The following SAMD5 variants were observed in gnomAD, a reference collection of about 807,000 sequenced individuals.
The protein encoded by SAMD5 is sterile alpha motif domain containing 5, also known as sterile alpha motif domain-containing protein 5.
In SAMD5, 13 loss-of-function variants were observed where a neutral mutation model predicts 11.3. That is an observed-to-expected ratio of 1.15 (90% CI 0.75 to 1.83). The LOEUF (loss-of-function observed/expected upper bound fraction) is 1.83, where lower values mean the gene tolerates loss of function less well. Ranked by LOEUF, SAMD5 falls within the 40% of genes most tolerant of loss-of-function variation. SAMD5 has a pLI of 0.00. For synonymous variants in SAMD5, 129 were observed against 111.3 expected (o/e 1.16, Z -1.00); for missense variants, 255 against 239.1 (o/e 1.07, Z -0.44).
the SAMD5 span, among the ~76,000 whole-genome samples, chr6:147,954,153 A>T: frequency 1.3e-5 from 2 of 152,210 alleles, no homozygotes; most frequent in African/African-American, 4.8e-5. Context: ...TTTTCACTGA[A>T]GTATTTTTAT....
chr6:147,942,410 C>A, the SAMD5 span, among the ~76,000 whole-genome samples: 1 of 152,236 alleles, frequency 6.6e-6, no homozygotes, highest in Admixed American at 6.5e-5. Flanking sequence ...AAGATGTGAT[C>A]AAATGTCCTA....
intron 1 of SAMD5, among the ~76,000 whole-genome samples, chr6:147,563,312 A>G (rs987922439): frequency 2.0e-5 from 3 of 152,230 alleles, no homozygotes; most frequent in African/African-American, 7.2e-5. Context: ...TTCTTCTTTT[A>G]AAGAGTCTTG....
intron 1 of SAMD5, among the ~76,000 whole-genome samples, chr6:147,563,460 A>G (rs556524659): frequency 2.6e-5 from 4 of 152,366 alleles, no homozygotes; most frequent in South Asian, 2.1e-4. Context: ...TTCCAATTCA[A>G]TAAGCAAGCG....
chr6:147,813,858 AT>A, the SAMD5 span, among the ~76,000 whole-genome samples: 1 of 152,188 alleles, frequency 6.6e-6, no homozygotes, highest in East Asian at 1.9e-4. Context: ...CTATATTTTA[AT>A]TGTGAAGGCT....
Position 147,568,040 on chromosome 6 carries a change from G to A in SAMD5, c.*3584G>A. On this transcript the variant is annotated 3_prime_UTR_variant, in exon 2 of 2. Coordinates refer to ENST00000367474, the MANE Select transcript of SAMD5 (RefSeq NM_001030060.3). ...ATTTCATTAGCTTTCTTCTCTTTAT[G>A]GCAGCTTCAGATTGATGAATTTGAG... 4.1e-6 allele frequency: 4 copies of A among 985,288 alleles called. No homozygotes were observed. Among genetic ancestry groups the A allele is most frequent in the Non-Finnish European group, 3.6e-6 (3 of 829,888 alleles). 61.0% of individuals were successfully genotyped at this position (985,288 alleles called of 1,614,324 possible).
intron 1 of SAMD5, among the ~76,000 whole-genome samples, chr6:147,525,380 A>G (rs1397709068): frequency 2.7e-5 from 4 of 149,190 alleles, no homozygotes; most frequent in South Asian, 2.2e-4. Context: ...CAAGTGTGTC[A>G]TCAATTTGGC....
chr6:147,794,917 C>G, the SAMD5 span, among the ~76,000 whole-genome samples: 3 of 151,978 alleles, frequency 2.0e-5, no homozygotes, highest in East Asian at 5.8e-4. Flanking sequence ...GAGATCCTTT[C>G]TGGTGAGTGA....
the SAMD5 span, among the ~76,000 whole-genome samples, chr6:147,920,166 G>A: frequency 6.6e-6 from 1 of 152,194 alleles, no homozygotes; most frequent in Non-Finnish European, 1.5e-5. Flanking sequence ...TCAGTGGACT[G>A]GAAAAGGCAG....
At chr6:147,880,881 A>G in the SAMD5 span, among the ~76,000 whole-genome samples, 3 of 152,186 alleles carry the variant, frequency 2.0e-5, no homozygotes, top group African/African-American at 7.2e-5. Flanking sequence ...AAAACATCTG[A>G]TTTTAGAATT....
the SAMD5 span, among the ~76,000 whole-genome samples, chr6:147,895,313 A>G: frequency 1.3e-5 from 2 of 152,108 alleles, no homozygotes; most frequent in African/African-American, 4.8e-5. Context: ...TCCAAAAATG[A>G]GTTAGAGATG....
At chr6:147,732,103 T>C (rs1791724435) in intron 1 of SAMD5, among the ~76,000 whole-genome samples, 1 of 152,124 alleles carries the variant, frequency 6.6e-6, no homozygotes. Context: ...AAGCAATTAT[T>C]GGAATGCAGT....
At chr6:147,536,109 A>C (rs1562314874) in intron 1 of SAMD5, among the ~76,000 whole-genome samples, 1 of 151,358 alleles carries the variant, frequency 6.6e-6, no homozygotes, top group Non-Finnish European at 1.5e-5. Context: ...TCAGCCTCCC[A>C]AGTAGCTGGG....
rs1246470655 is a variant in SAMD5 at position 147,569,885 on chromosome 6, T to G, written c.*5429T>G. On this transcript the variant is annotated 3_prime_UTR_variant, in exon 2 of 2. Coordinates refer to ENST00000367474, the MANE Select transcript of SAMD5 (RefSeq NM_001030060.3). ...TCTTTTCCCTTTCAGTTATTATTTT[T>G]TTTAAAGGACGTTATGAGAAGGCAC... is the stretch of plus-strand genomic sequence containing the variant. The G allele has an allele frequency of 1.0e-6, 1 of 985,256 alleles. No homozygotes were observed. 61.0% of individuals were successfully genotyped at this position (985,256 alleles called of 1,614,324 possible).
intron 1 of SAMD5, among the ~76,000 whole-genome samples, chr6:147,681,880 G>C (rs538796138): frequency 6.6e-6 from 1 of 152,268 alleles, no homozygotes; most frequent in Non-Finnish European, 1.5e-5. Flanking sequence ...GGGAAAAGAG[G>C]CTGCTTCCAA....
the SAMD5 span, among the ~76,000 whole-genome samples, chr6:147,845,078 A>C: frequency 1.3e-5 from 2 of 152,230 alleles, no homozygotes; most frequent in Admixed American, 6.5e-5. Context: ...GTATACACGT[A>C]TCAAGACATC....
intron 1 of SAMD5, among the ~76,000 whole-genome samples, chr6:147,701,361 A>G (rs773767785): frequency 4.6e-4 from 70 of 152,204 alleles, no homozygotes; most frequent in Non-Finnish European, 9.4e-4. Flanking sequence ...TGGACTGGGC[A>G]TGATGGTCAT....
chr6:147,641,608 G>C (rs575632507), intron 1 of SAMD5, among the ~76,000 whole-genome samples: 3 of 136,520 alleles, frequency 2.2e-5, no homozygotes, highest in Non-Finnish European at 3.1e-5. Context: ...ATGGTTGTAT[G>C]CCCATATTCT....
At chr6:147,643,781 G>GAAGGAAGT (rs2128452625) in intron 1 of SAMD5, among the ~76,000 whole-genome samples, 1 of 138,780 alleles carries the variant, frequency 7.2e-6, no homozygotes, top group South Asian at 2.3e-4. Context: ...AGGAAGGAAG[G>GAAGGAAGT]AAGGAAGGAA....
chr6:147,742,614 A>G, the SAMD5 span, among the ~76,000 whole-genome samples: 3 of 152,198 alleles, frequency 2.0e-5, no homozygotes, highest in Non-Finnish European at 4.4e-5. Context: ...GTAGACTCTG[A>G]AGGAGGCATT....
Sources: allele counts gnomAD v4.1 joint callset (sites outside exome capture counted in the v4.1 genomes callset), GRCh38; gene constraint gnomAD v4.1.1; transcripts MANE v1.5; gene names NCBI Gene and HGNC (gene_info 2026-07-23, HGNC 2026-07-21).